NSRP1: variants seen among roughly 807,000 people sequenced by gnomAD.
NSRP1 encodes the protein nuclear speckle splicing regulatory protein 1.
NSRP1 carries 24 observed loss-of-function variants against 54.7 expected under a neutral mutation model. The observed-to-expected ratio is 0.44, with a 90% confidence interval of 0.32 to 0.62. NSRP1 has a LOEUF of 0.62. Among genes scored for constraint, NSRP1 ranks in the 20% least tolerant of loss-of-function variants. The probability of loss-of-function intolerance (pLI) is 0.06; values close to 1 mark genes in which losing one functional copy is unlikely to be tolerated. For missense variants in NSRP1, 596 were observed against 651.2 expected, an observed-to-expected ratio of 0.92 and a Z score of 0.92; for synonymous variants, 210 against 213.8, an observed-to-expected ratio of 0.98 and a Z score of 0.15.
intron 3 of NSRP1, among the ~76,000 whole-genome samples, chr17:30,177,062 G>A (rs1022463467): frequency 2.6e-5 from 4 of 151,992 alleles, no homozygotes; most frequent in African/African-American, 4.8e-5. Context: ...GCTAAGATTT[G>A]TAAAACAGGA....
At chr17:30,136,780 A>G (rs542750916) in intron 2 of NSRP1, among the ~76,000 whole-genome samples, 59 of 152,292 alleles carry the variant, frequency 3.9e-4, no homozygotes, top group Admixed American at 1.4e-3. Flanking sequence ...TTAATATCCC[A>G]TATGATTGAT....
At chr17:30,168,513 TATA>T (rs916399163) in intron 2 of NSRP1, among the ~76,000 whole-genome samples, 1 of 150,894 alleles carries the variant, frequency 6.6e-6, no homozygotes, top group African/African-American at 2.4e-5. Context: ...AATTACATAG[TATA>T]ATTATTATGG....
intron 2 of NSRP1, among the ~76,000 whole-genome samples, chr17:30,125,636 C>T (rs1377288843): frequency 1.3e-5 from 2 of 152,182 alleles, no homozygotes; most frequent in African/African-American, 4.8e-5. Flanking sequence ...CAGCCTCCAC[C>T]TCCCAAGTTA....
intron 2 of NSRP1, among the ~76,000 whole-genome samples, chr17:30,168,534 AAAAC>A (rs1425689791): frequency 6.6e-6 from 1 of 150,410 alleles, no homozygotes; most frequent in Non-Finnish European, 1.5e-5. Context: ...TGGTTATCTG[AAAAC>A]AATCACGTTG....
Position 30,178,068 on chromosome 17 carries a change from A to G in NSRP1, c.172-3A>G, listed in dbSNP as rs886726529. 27 of 1,611,554 alleles carry G rather than the reference A, an allele frequency of 1.7e-5. No individual in the cohort carries two copies. The highest frequency in any genetic ancestry group is 2.2e-5 in the Non-Finnish European group (26 of 1,179,288). On this transcript the variant is annotated splice_polypyrimidine_tract_variant and splice_region_variant and intron_variant, in intron 3 of 6. Transcript: ENST00000247026. ...TTTGAAACATGTTTAATTTTTTTTT[A>G]AGACCAAACTGGAAATCCAGAAGGC...
chr17:30,118,668 C>G (rs1190612602), intron 2 of NSRP1, among the ~76,000 whole-genome samples: 1 of 151,618 alleles, frequency 6.6e-6, no homozygotes, highest in Non-Finnish European at 1.5e-5. Context: ...TCAACATTTT[C>G]TATTTTAGCA....
chr17:30,135,622 C>G (rs553330797), intron 2 of NSRP1, among the ~76,000 whole-genome samples: 2 of 151,128 alleles, frequency 1.3e-5, no homozygotes, highest in Admixed American at 6.6e-5. Context: ...TACAGGCGCC[C>G]GCCACCACGC....
intron 2 of NSRP1, among the ~76,000 whole-genome samples, chr17:30,118,471 C>G (rs1310672554): frequency 6.6e-6 from 1 of 152,148 alleles, no homozygotes; most frequent in Non-Finnish European, 1.5e-5. Context: ...TAAGATGTCA[C>G]CAATTTTCTA....
chr17:30,117,851 G>A, intron 1 of NSRP1: 1 of 374,372 alleles, frequency 2.7e-6, no homozygotes. Context: ...GATAAAAATG[G>A]TATTCGAGTT....
At chr17:30,176,739 G>C (rs769934849) in intron 3 of NSRP1, among the ~76,000 whole-genome samples, 7 of 151,932 alleles carry the variant, frequency 4.6e-5, no homozygotes, top group Non-Finnish European at 8.8e-5. Flanking sequence ...GGAGTGAGCA[G>C]GAGTGCCAAT....
chr17:30,158,981 G>T (rs1194998992), intron 2 of NSRP1, among the ~76,000 whole-genome samples: 4 of 152,018 alleles, frequency 2.6e-5, no homozygotes, highest in Admixed American at 2.6e-4. Context: ...AGAATTGTTT[G>T]TTCTAGTTCT....
At position 30,185,264 on chromosome 17, in the gene NSRP1, G is replaced by C. The variant is rs1429089479; in HGVS notation, c.1267G>C (p.Val423Leu). The C allele has an allele frequency of 6.3e-7, 1 of 1,599,524 alleles. No individual in the cohort carries two copies. Among genetic ancestry groups the C allele is most frequent in the Non-Finnish European group, 8.5e-7 (1 of 1,173,798 alleles). The change falls in exon 7 of 7, where the codon GTA becomes CTA. Residue 423 changes from valine to leucine, a missense_variant. Transcript: ENST00000247026. ...CAAAGCAAAGGAAGAGCATATGAAAGTAAGGAAGGAAAGATATGAAAATAA... is the reference window on the plus strand; with the variant it reads ...CAAAGCAAAGGAAGAGCATATGAAACTAAGGAAGGAAAGATATGAAAATAA... The part of the protein sequence containing the change: ...KSKAKEEHMK[V>L]RKERYENNDK...
At chr17:30,174,961 A>G (rs1351448510) in intron 3 of NSRP1, among the ~76,000 whole-genome samples, 1 of 152,188 alleles carries the variant, frequency 6.6e-6, no homozygotes, top group African/African-American at 2.4e-5. Context: ...CTTTCGCTGC[A>G]ATTATCTAGA....
At chr17:30,127,257 T>G (rs1221372475) in intron 2 of NSRP1, among the ~76,000 whole-genome samples, 2 of 152,226 alleles carry the variant, frequency 1.3e-5, no homozygotes, top group African/African-American at 4.8e-5. Context: ...TAGATGTTTA[T>G]CTATGATAAA....
chr17:30,172,441 C>A, intron 2 of NSRP1, 101 bp from the exon 3 acceptor site: 1 of 796,602 alleles, frequency 1.3e-6, no homozygotes, highest in Non-Finnish European at 1.9e-6. Context: ...ATCTGAAATA[C>A]AAAACACTTC....
intron 2 of NSRP1, chr17:30,156,529 T>C (rs2071964106): frequency 6.6e-6 from 1 of 152,008 alleles, no homozygotes; most frequent in Non-Finnish European, 1.5e-5. Flanking sequence ...TTCTTTCTTT[T>C]TTTTTTTGAG....
At chr17:30,168,929 A>G (rs577539376) in intron 2 of NSRP1, 2 of 152,152 alleles carry the variant, frequency 1.3e-5, no homozygotes, top group South Asian at 2.1e-4. Context: ...TTTTCAGGTT[A>G]GGTTCAGAGT....
At chr17:30,121,453 CT>C (rs200327930) in intron 2 of NSRP1, among the ~76,000 whole-genome samples, 2,627 of 121,740 alleles carry the variant, frequency 0.022, 47 homozygotes, top group African/African-American at 0.062. Context: ...GATGCAAGAT[CT>C]TTTTTTTTTT....
intron 2 of NSRP1, among the ~76,000 whole-genome samples, chr17:30,151,725 T>C (rs1488085332): frequency 6.6e-6 from 1 of 151,792 alleles, no homozygotes; most frequent in Non-Finnish European, 1.5e-5. Context: ...AAACTTGTAT[T>C]GTTCAAGAGT....
Sources: gnomAD v4.1 joint callset for allele counts (sites outside exome capture counted in the v4.1 genomes callset) on GRCh38, gnomAD v4.1.1 for gene constraint, MANE v1.5 for transcripts, NCBI Gene and HGNC (gene_info 2026-07-23, HGNC 2026-07-21) for gene names.